The following DCLK3 variants were observed in gnomAD, a reference collection of about 807,000 sequenced individuals.
The protein encoded by DCLK3 is serine/threonine-protein kinase DCLK3.
DCLK3 carries 30 observed loss-of-function variants against 46.4 expected under a neutral mutation model. That is an observed-to-expected ratio of 0.65 (90% CI 0.48 to 0.88). DCLK3 has a LOEUF of 0.88. Among genes scored for constraint, DCLK3 ranks in the 40% least tolerant of loss-of-function variants. DCLK3 has a pLI of 0.00. For synonymous variants in DCLK3, 401 were observed against 339.2 expected, an observed-to-expected ratio of 1.18 and a Z score of -2.00; for missense variants, 846 against 907.1, an observed-to-expected ratio of 0.93 and a Z score of 0.87.
rs2125531628 is a variant in DCLK3 at position 36,739,076 on chromosome 3, C to T, written c.91G>A (p.Gly31Ser). Residue 31 changes from glycine to serine, a missense_variant, in exon 2 of 5, where the codon GGC (glycine) becomes AGC (serine). Coordinates refer to ENST00000636136, the MANE Select transcript of DCLK3 (RefSeq NM_001394672.2). ...CPARPAPGQQ[G>S]LCDHSLKYLS... ...TATTTTAGAGAATGGTCACATAGGCCTTGCTGTCCTGCAACAAGAAAAGGA... is the reference window on the plus strand; with the variant it reads ...TATTTTAGAGAATGGTCACATAGGCTTTGCTGTCCTGCAACAAGAAAAGGA... The T allele has an allele frequency of 7.5e-6, 3 of 398,580 alleles. No homozygotes were observed. The highest frequency in any genetic ancestry group is 6.3e-4 in the Middle Eastern group (1 of 1,588). The allele number at this position is 398,580 out of a possible 1,614,324, so 24.7% of individuals were successfully genotyped here.
At chr3:36,728,692 C>T (rs1236933282) in intron 2 of DCLK3, among the ~76,000 whole-genome samples, 2 of 152,212 alleles carry the variant, frequency 1.3e-5, no homozygotes, top group African/African-American at 4.8e-5. Context: ...AGCTTGTGGA[C>T]AGCCAGTCAT....
intron 1 of DCLK3, among the ~76,000 whole-genome samples, chr3:36,744,320 A>G (rs867097134): frequency 6.6e-6 from 1 of 152,222 alleles, no homozygotes; most frequent in African/African-American, 2.4e-5. Flanking sequence ...TCCTGAATAC[A>G]TTAGATAAGT....
Position 36,738,166 on chromosome 3 carries a change from T to C in DCLK3, c.1001A>G (p.Asp334Gly). The C allele has an allele frequency of 3.1e-6, 5 of 1,614,024 alleles. No individual in the cohort carries two copies. Among genetic ancestry groups the C allele is most frequent in the Non-Finnish European group, 4.2e-6 (5 of 1,179,990 alleles). ...ATCATACATTGGGCCCTTCCCCATA[T>C]CCAGCTCACTGGTCCCCAGAGAAAG... ...ERLSLGTSEL[D>G]MGKGPMYDVE... The change falls in exon 2 of 5, where the codon GAT becomes GGT. Residue 334 changes from aspartate (D) to glycine (G), a missense_variant. This residue lies in a region of DCLK3 where 553 missense variants were observed against 543.0 expected (regional missense o/e 1.02). Coordinates refer to ENST00000636136, the MANE Select transcript of DCLK3 (RefSeq NM_001394672.2).
chr3:36,752,756 A>AC (rs1701453066), intron 1 of DCLK3, among the ~76,000 whole-genome samples: 1 of 152,052 alleles, frequency 6.6e-6, no homozygotes, highest in South Asian at 2.1e-4. Flanking sequence ...AGCACATATC[A>AC]CCATTGATAT....
chr3:36,745,528 C>T (rs1421440489), intron 1 of DCLK3, among the ~76,000 whole-genome samples: 1 of 152,218 alleles, frequency 6.6e-6, no homozygotes, highest in Non-Finnish European at 1.5e-5. Flanking sequence ...GTCAATGCAT[C>T]TAACACCACA....
Position 36,715,342 on chromosome 3 carries a change from C to T in DCLK3, c.2440G>A (p.Glu814Lys). 1 of 1,614,114 alleles carries T rather than the reference C, an allele frequency of 6.2e-7. No homozygotes were observed. The highest frequency in any genetic ancestry group is 8.5e-7 in the Non-Finnish European group (1 of 1,180,008). The change falls in exon 5 of 5, where the codon GAG (glutamate) becomes AAG (lysine). Residue 814 changes from glutamate to lysine, a missense_variant. Physicochemically the swap from Glu to Lys is moderately conservative, Grantham distance 56. Coordinates refer to ENST00000636136, the MANE Select transcript of DCLK3 (RefSeq NM_001394672.2). ...HFRSQHKRVV[E>K]QVS ...CAAGGTGGTGACTATGATACCTGCTCCACAACCCTCTTGTGCTGGCTCCGG... is the reference window on the plus strand; with the variant it reads ...CAAGGTGGTGACTATGATACCTGCTTCACAACCCTCTTGTGCTGGCTCCGG...
intron 1 of DCLK3, among the ~76,000 whole-genome samples, chr3:36,754,021 A>G (rs73824474): frequency 0.018 from 2,704 of 152,226 alleles, 77 homozygotes; most frequent in African/African-American, 0.059. Flanking sequence ...CCTGTCTTTC[A>G]TTCATGTTAC....
chr3:36,720,110 T>C (rs2125521062), intron 3 of DCLK3, among the ~76,000 whole-genome samples: 1 of 152,286 alleles, frequency 6.6e-6, no homozygotes, highest in South Asian at 2.1e-4. Flanking sequence ...CCTTCATGAA[T>C]GGTTTAGTAC....
intron 2 of DCLK3, among the ~76,000 whole-genome samples, chr3:36,731,643 C>G (rs1034045883): frequency 7.2e-5 from 11 of 152,160 alleles, no homozygotes; most frequent in African/African-American, 2.4e-4. Flanking sequence ...ACATCTGTTA[C>G]CCTTGAGTCT....
intron 2 of DCLK3, among the ~76,000 whole-genome samples, chr3:36,725,663 CT>C (rs1701118164): frequency 1.3e-5 from 2 of 152,142 alleles, no homozygotes; most frequent in African/African-American, 4.8e-5. Context: ...AGCAAATAGG[CT>C]TATGTCACAA....
chr3:36,723,113 CTTG>C (rs1458747855), intron 2 of DCLK3, among the ~76,000 whole-genome samples: 2 of 152,158 alleles, frequency 1.3e-5, no homozygotes, highest in Non-Finnish European at 2.9e-5. Flanking sequence ...AAATGAGGAA[CTTG>C]TTGGGAACTG....
intron 1 of DCLK3, among the ~76,000 whole-genome samples, chr3:36,756,492 G>C (rs997145580): frequency 1.1e-4 from 16 of 152,208 alleles, no homozygotes; most frequent in African/African-American, 3.9e-4. Context: ...TGCTAAAGAA[G>C]GGGAGCACAT....
In DCLK3 at chr3:36,738,931, C is replaced by T. The variant is rs774419305; in HGVS notation, c.236G>A (p.Arg79Gln). The part of the protein sequence containing the change: ...RGPVVPLFCP[R>Q]NGLHSAHPEN... ...AGGATGTGCTGAGTGAAGGCCATTCCGAGGGCAGAACAAGGGCACGACGGG... is the reference window on the plus strand; with the variant it reads ...AGGATGTGCTGAGTGAAGGCCATTCTGAGGGCAGAACAAGGGCACGACGGG... Residue 79 changes from arginine (R) to glutamine (Q), a missense_variant, in exon 2 of 5, where the codon CGG becomes CAG. Around this residue, in one of 3 missense-constraint regions of DCLK3, gnomAD observed 553 missense variants for 543.0 expected, o/e 1.02. Transcript: ENST00000636136. 5 of 409,784 alleles carry T rather than the reference C, an allele frequency of 1.2e-5. No individual in the cohort carries two copies. The highest frequency in any genetic ancestry group is 6.1e-4 in the Middle Eastern group (1 of 1,632). 25.4% of individuals were successfully genotyped at this position (409,784 alleles called of 1,614,324 possible).
intron 1 of DCLK3, among the ~76,000 whole-genome samples, chr3:36,739,415 C>G (rs1701320060): frequency 6.6e-6 from 1 of 152,198 alleles, no homozygotes; most frequent in African/African-American, 2.4e-5. Context: ...TCCCATAATT[C>G]CCATGTATTG....
intron 1 of DCLK3, among the ~76,000 whole-genome samples, chr3:36,749,711 C>T (rs1183214724): frequency 6.6e-6 from 1 of 152,176 alleles, no homozygotes; most frequent in African/African-American, 2.4e-5. Flanking sequence ...TCTACAGGAA[C>T]GAGGAGGCAA....
In DCLK3 at chr3:36,738,579, T is replaced by C; in HGVS notation, c.588A>G (p.Thr196=). ...ELYPNKARAL[T]LAQHSRAPSP... is the part of the protein sequence containing the mutation. ...AAGGGGCACGGCTGTGCTGGGCCAG[T>C]GTCAGGGCCCGGGCTTTGTTGGGGT... The change falls in exon 2 of 5, where the codon ACA becomes ACG. Residue 196 remains threonine (T), a synonymous_variant. Coordinates refer to ENST00000636136, the MANE Select transcript of DCLK3 (RefSeq NM_001394672.2). The C allele has an allele frequency of 1.4e-6, 2 of 1,426,052 alleles. No individual in the cohort carries two copies. Among genetic ancestry groups the C allele is most frequent in the South Asian group, 1.8e-5 (1 of 56,152 alleles). 88.3% of individuals were successfully genotyped at this position (1,426,052 alleles called of 1,614,324 possible).
At chr3:36,733,066 C>T (rs1018004270) in intron 2 of DCLK3, among the ~76,000 whole-genome samples, 1 of 152,178 alleles carries the variant, frequency 6.6e-6, no homozygotes, top group Non-Finnish European at 1.5e-5. Context: ...TCATATTCAC[C>T]AGTAAATATA....
intron 1 of DCLK3, among the ~76,000 whole-genome samples, chr3:36,759,865 C>T (rs998795220): frequency 4.6e-5 from 7 of 152,332 alleles, no homozygotes; most frequent in African/African-American, 1.4e-4. Flanking sequence ...CTCCATTACC[C>T]TAACGCCACA....
intron 1 of DCLK3, among the ~76,000 whole-genome samples, chr3:36,746,897 G>A (rs571116183): frequency 6.6e-6 from 1 of 152,208 alleles, no homozygotes. Flanking sequence ...CTGACAGTCT[G>A]TATTTCTAAC....
Sources: gnomAD v4.1 joint callset for allele counts (sites outside exome capture counted in the v4.1 genomes callset) on GRCh38, gnomAD v4.1.1 for gene constraint, gnomAD v4.1.1 regional missense constraint, MANE v1.5 for transcripts, NCBI Gene and HGNC (gene_info 2026-07-23, HGNC 2026-07-21) for gene names.